Variants in EEF1AKMT1 observed in about 807,000 individuals in gnomAD.
The protein encoded by EEF1AKMT1 is EEF1A lysine methyltransferase 1.
A neutral mutation model predicts 21.0 loss-of-function variants in EEF1AKMT1; 18 were observed. The observed-to-expected ratio is 0.86, with a 90% CI of 0.59 to 1.27. EEF1AKMT1 has a LOEUF of 1.27. Ranked by LOEUF, EEF1AKMT1 falls within the 50% of genes most tolerant of loss-of-function variation. The pLI is 0.00. For synonymous variants in EEF1AKMT1, 109 were observed against 94.8 expected, an observed-to-expected ratio of 1.15 and a Z score of -0.87; for missense variants, 246 against 258.6, an observed-to-expected ratio of 0.95 and a Z score of 0.33.
intron 2 of EEF1AKMT1, chr13:20,747,462 CTTTT>C (rs60730051): frequency 3.3e-4 from 29 of 87,676 alleles, no homozygotes; most frequent in African/African-American, 1.1e-3. Context: ...TAGGCACATT[CTTTT>C]TTTTTTTTTT....
At chr13:20,773,292 T>C (rs1193434079) in intron 1 of EEF1AKMT1, among the ~76,000 whole-genome samples, 1 of 152,174 alleles carries the variant, frequency 6.6e-6, no homozygotes, top group Non-Finnish European at 1.5e-5. Context: ...CTGTCTGACA[T>C]GTGGCTCCCT....
intron 2 of EEF1AKMT1, among the ~76,000 whole-genome samples, chr13:20,755,366 C>G (rs977122177): frequency 2.0e-5 from 3 of 152,200 alleles, no homozygotes; most frequent in African/African-American, 7.2e-5. Context: ...GGCATGTGCT[C>G]CCTATCTGGA....
intron 3 of EEF1AKMT1, among the ~76,000 whole-genome samples, chr13:20,733,094 C>CTTTTTTT (rs56061412): frequency 4.0e-5 from 5 of 126,546 alleles, no homozygotes; most frequent in South Asian, 2.5e-4. Flanking sequence ...CTGTGATACA[C>CTTTTTTT]TTTTTTTTTT....
chr13:20,730,759 T>G (rs538246553), intron 4 of EEF1AKMT1, among the ~76,000 whole-genome samples: 1 of 152,174 alleles, frequency 6.6e-6, no homozygotes, highest in East Asian at 1.9e-4. Flanking sequence ...CAATCAGCAC[T>G]CTGTAGAATG....
chr13:20,746,821 G>A (rs2141423404), intron 2 of EEF1AKMT1, among the ~76,000 whole-genome samples: 1 of 152,320 alleles, frequency 6.6e-6, no homozygotes. Flanking sequence ...TTTCACCACT[G>A]AGCATTGTGA....
intron 2 of EEF1AKMT1, 59 bp from the exon 3 acceptor site, chr13:20,737,864 A>G (rs1025820707): frequency 2.4e-6 from 3 of 1,229,266 alleles, no homozygotes; most frequent in Non-Finnish European, 3.5e-6. Context: ...TGTTCTTTTA[A>G]TTTATATATA....
intron 2 of EEF1AKMT1, among the ~76,000 whole-genome samples, chr13:20,748,715 GTT>G (rs796299437): frequency 9.5e-6 from 1 of 105,810 alleles, no homozygotes; most frequent in African/African-American, 3.7e-5. Context: ...ATGTATAGTT[GTT>G]TTTTTTTGGT....
intron 3 of EEF1AKMT1, among the ~76,000 whole-genome samples, chr13:20,732,529 C>T (rs1169624569): frequency 6.6e-6 from 1 of 152,110 alleles, no homozygotes; most frequent in Non-Finnish European, 1.5e-5. Flanking sequence ...AATGGGGTTT[C>T]ATCATGTTGG....
Position 20,737,806 on chromosome 13 carries a change from C to T in EEF1AKMT1, c.145-1G>A. 1 of 1,610,226 alleles carries T rather than the reference C, an allele frequency of 6.2e-7. No individual in the cohort carries two copies. The highest frequency in any genetic ancestry group is 8.5e-7 in the Non-Finnish European group (1 of 1,177,918). ...GACTATACCAAAACTGGCTCAGTTG[C>T]TGTAACCGAGAAATAGGTTGATAGC... On this transcript the variant is annotated splice_acceptor_variant, in intron 2 of 4. Coordinates refer to ENST00000382758, the MANE Select transcript of EEF1AKMT1 (RefSeq NM_001318939.2). LOFTEE classifies it high-confidence loss of function.
At chr13:20,736,368 A>C (rs2058826089) in intron 3 of EEF1AKMT1, among the ~76,000 whole-genome samples, 1 of 152,224 alleles carries the variant, frequency 6.6e-6, no homozygotes, top group Non-Finnish European at 1.5e-5. Context: ...AGCATTTTCA[A>C]ACACGAAAGG....
intron 3 of EEF1AKMT1, among the ~76,000 whole-genome samples, chr13:20,735,843 GAAAT>G (rs1173614213): frequency 6.6e-6 from 1 of 151,940 alleles, no homozygotes; most frequent in Admixed American, 6.6e-5. Flanking sequence ...CAATAATAAA[GAAAT>G]ACTCAAAGAC....
intron 1 of EEF1AKMT1, among the ~76,000 whole-genome samples, chr13:20,762,733 C>T (rs1276113052): frequency 6.6e-6 from 1 of 152,070 alleles, no homozygotes; most frequent in Admixed American, 6.5e-5. Context: ...AGGCTGGTCT[C>T]AAACTCCTGA....
chr13:20,741,456 CTTTT>C (rs562645355), intron 2 of EEF1AKMT1, among the ~76,000 whole-genome samples: 1 of 112,202 alleles, frequency 8.9e-6, no homozygotes, highest in Non-Finnish European at 1.8e-5. Flanking sequence ...ATTGTAATTA[CTTTT>C]TTTTTTTTTT....
intron 1 of EEF1AKMT1, among the ~76,000 whole-genome samples, chr13:20,772,071 A>G (rs888435340): frequency 2.6e-5 from 4 of 152,056 alleles, no homozygotes; most frequent in Non-Finnish European, 5.9e-5. Flanking sequence ...TCACTATTTT[A>G]TCATATCTTT....
At chr13:20,767,534 C>A (rs2059041753) in intron 1 of EEF1AKMT1, among the ~76,000 whole-genome samples, 1 of 151,964 alleles carries the variant, frequency 6.6e-6, no homozygotes, top group African/African-American at 2.4e-5. Flanking sequence ...TGCATTGTTT[C>A]CACACATAAA....
chr13:20,765,486 C>T (rs1473223004), intron 1 of EEF1AKMT1, among the ~76,000 whole-genome samples: 1 of 132,164 alleles, frequency 7.6e-6, no homozygotes, highest in Non-Finnish European at 1.5e-5. Context: ...AATCTCAGCT[C>T]ACTGCAACCT....
At chr13:20,772,800 C>T (rs762796527) in intron 1 of EEF1AKMT1, among the ~76,000 whole-genome samples, 2 of 152,162 alleles carry the variant, frequency 1.3e-5, no homozygotes, top group African/African-American at 2.4e-5. Context: ...TGTGGTTAGT[C>T]TCTTTTTGGA....
chr13:20,735,081 C>T (rs1051744557), intron 3 of EEF1AKMT1, among the ~76,000 whole-genome samples: 11 of 152,218 alleles, frequency 7.2e-5, no homozygotes, highest in African/African-American at 1.9e-4. Context: ...ACTGAGCAAG[C>T]GGAACAGCAG....
At chr13:20,743,941 C>A (rs1195930799) in intron 2 of EEF1AKMT1, among the ~76,000 whole-genome samples, 1 of 152,102 alleles carries the variant, frequency 6.6e-6, no homozygotes, top group East Asian at 1.9e-4. Context: ...TGAGAACAAG[C>A]GGTGTTTGGT....
Sources: allele counts gnomAD v4.1 joint callset (sites outside exome capture counted in the v4.1 genomes callset), GRCh38; gene constraint gnomAD v4.1.1; transcripts MANE v1.5; gene names NCBI Gene and HGNC (gene_info 2026-07-23, HGNC 2026-07-21).